TMTC3: variants seen among roughly 807,000 people sequenced by gnomAD.
TMTC3 encodes the protein transmembrane O-mannosyltransferase targeting cadherins 3.
Under a neutral mutation model 92.2 loss-of-function variants are expected in TMTC3, and 52 were observed. The observed-to-expected ratio is 0.56, with a 90% CI of 0.45 to 0.71. The LOEUF (loss-of-function observed/expected upper bound fraction) is 0.71, where lower values mean the gene tolerates loss of function less well. Among genes scored for constraint, TMTC3 ranks in the 30% least tolerant of loss-of-function variants. The pLI, the probability that TMTC3 is intolerant of heterozygous loss-of-function variation, is 0.00. For synonymous variants in TMTC3, 339 were observed against 363.3 expected, an observed-to-expected ratio of 0.93 and a Z score of 0.76; for missense variants, 896 against 1,057.1, an observed-to-expected ratio of 0.85 and a Z score of 2.11.
Position 88,198,377 on chromosome 12 carries a change from A to G in TMTC3, c.*2728A>G, listed in dbSNP as rs943887655. ...GATAGTTTTAATTCTCACTGTCTCA[A>G]AAGAGAATCAGCTCTCCAGCAGTTC... On this transcript the variant is annotated 3_prime_UTR_variant, in exon 14 of 14. Transcript: ENST00000266712. 5 of 397,988 alleles carry G rather than the reference A, an allele frequency of 1.3e-5. No individual in the cohort carries two copies. Among genetic ancestry groups the G allele is most frequent in the African/African-American group, 2.1e-5 (1 of 48,592 alleles). 24.7% of individuals were successfully genotyped at this position (397,988 alleles called of 1,614,324 possible). A position where few individuals can be genotyped will look rare whatever the true frequency, so the allele number is the denominator to read the frequency against.
At chr12:88,172,816 T>G in intron 8 of TMTC3, 71 bp downstream of exon 8, 1 of 1,528,180 alleles carries the variant, frequency 6.5e-7, no homozygotes, top group Non-Finnish European at 8.8e-7. Context: ...AATTTAAATA[T>G]TTAGTTCAGT....
chr12:88,143,615 C>T (rs578075308), intron 1 of TMTC3, among the ~76,000 whole-genome samples: 1 of 152,282 alleles, frequency 6.6e-6, no homozygotes, highest in East Asian at 1.9e-4. Flanking sequence ...CTCAATCTTG[C>T]TATTTTTATT....
In TMTC3 at chr12:88,198,893, T is replaced by G. The variant is rs752928990; in HGVS notation, c.*3244T>G. On this transcript the variant is annotated 3_prime_UTR_variant, in exon 14 of 14. Transcript: ENST00000266712. ...TCTTGTACCTTTGTCCAAAAGTTTA[T>G]CTGTTGGAAGCCGCCAGCCATTCAT... The G allele has an allele frequency of 1.3e-5, 2 of 152,364 alleles. No individual in the cohort carries two copies. Among genetic ancestry groups the G allele is most frequent in the Non-Finnish European group, 2.9e-5 (2 of 68,160 alleles). 9.4% of individuals were successfully genotyped at this position (152,364 alleles called of 1,614,324 possible).
intron 10 of TMTC3, among the ~76,000 whole-genome samples, chr12:88,184,729 C>A (rs555683041): frequency 1.3e-5 from 2 of 152,024 alleles, no homozygotes; most frequent in African/African-American, 4.8e-5. Context: ...AGTTTCCATT[C>A]TAAATAAAGG....
rs138608096 is a variant in TMTC3, at chr12:88,198,885, A to G, written c.*3236A>G. The G allele has an allele frequency of 6.8e-3, 1,041 of 152,542 alleles. 11 individuals carry two copies. The highest frequency in any genetic ancestry group is 0.024 in the African/African-American group (999 of 41,568). The allele number at this position is 152,542 out of a possible 1,614,324, so 9.4% of individuals were successfully genotyped here. On this transcript the variant is annotated 3_prime_UTR_variant, in exon 14 of 14. Transcript: ENST00000266712. ...CAAAAATATCTTGTACCTTTGTCCA[A>G]AAGTTTATCTGTTGGAAGCCGCCAG...
At chr12:88,156,245 C>T (rs2041008021) in intron 4 of TMTC3, among the ~76,000 whole-genome samples, 1 of 152,164 alleles carries the variant, frequency 6.6e-6, no homozygotes, top group Non-Finnish European at 1.5e-5. Context: ...GGCTTGTGAG[C>T]TCAAGCACAT....
chr12:88,169,873 A>G (rs1434324230), intron 7 of TMTC3, among the ~76,000 whole-genome samples: 3 of 151,954 alleles, frequency 2.0e-5, no homozygotes, highest in African/African-American at 7.3e-5. Context: ...CAAGAGTTCA[A>G]GAATGCAGTA....
At chr12:88,184,055 ACT>A (rs2041348353) in intron 10 of TMTC3, among the ~76,000 whole-genome samples, 1 of 151,904 alleles carries the variant, frequency 6.6e-6, no homozygotes, top group African/African-American at 2.4e-5. Flanking sequence ...TGTCCCACAG[ACT>A]CTGGCCGAGT....
chr12:88,153,383 C>G lies in TMTC3; in HGVS notation c.282C>G (p.Leu94=), dbSNP rs1219768483. 1 of 1,612,678 alleles carries G rather than the reference C, an allele frequency of 6.2e-7. No homozygotes were observed. The highest frequency in any genetic ancestry group is 1.1e-5 in the South Asian group (1 of 91,030). The part of the protein sequence containing the change: ...LSELKPMSYH[L]LNMIFHAVVS... Reference sequence around the variant, plus strand: ...AACTAAAACCAATGTCATATCATCTCCTGAATATGATTTTTCATGCTGTGG... The same window carrying G: ...AACTAAAACCAATGTCATATCATCTGCTGAATATGATTTTTCATGCTGTGG... The change falls in exon 3 of 14, where the codon CTC becomes CTG. Residue 94 remains leucine, a synonymous_variant. Coordinates refer to ENST00000266712, the MANE Select transcript of TMTC3 (RefSeq NM_181783.4).
At position 88,174,682 on chromosome 12, in the gene TMTC3, T is replaced by C. The variant is rs763392341; in HGVS notation, c.1275T>C (p.Asn425=). The change falls in exon 9 of 14, where the codon AAT becomes AAC. Residue 425 remains asparagine (N), a synonymous_variant. Transcript: ENST00000266712. ...ATTCCTTAAAAACATTCCACAGAAA[T>C]TGGGATTGGGAGTCTGAATATACAT... ...LTHSLKTFHR[N]WDWESEYTLF... is the part of the protein sequence containing the mutation. 8.1e-6 allele frequency: 13 copies of C among 1,612,534 alleles called. No homozygotes were observed. In the East Asian group the frequency reaches 2.7e-4, roughly 33 times the overall value.
intron 10 of TMTC3, among the ~76,000 whole-genome samples, chr12:88,179,331 A>AGTGTGATG (rs2041291709): frequency 6.6e-6 from 1 of 152,166 alleles, no homozygotes; most frequent in African/African-American, 2.4e-5. Flanking sequence ...AGGGACAACT[A>AGTGTGATG]GTGTGATGGT....
At chr12:88,175,753 C>T (rs1043970968) in intron 9 of TMTC3, among the ~76,000 whole-genome samples, 3 of 152,110 alleles carry the variant, frequency 2.0e-5, no homozygotes, top group East Asian at 3.9e-4. Context: ...CGGCAATCTG[C>T]GAACTCTGAA....
At chr12:88,188,367 A>G (rs1453496221) in intron 10 of TMTC3, among the ~76,000 whole-genome samples, 1 of 152,128 alleles carries the variant, frequency 6.6e-6, no homozygotes, top group Non-Finnish European at 1.5e-5. Context: ...AAGCTATGAG[A>G]TTAAGTAAAT....
intron 12 of TMTC3, among the ~76,000 whole-genome samples, chr12:88,192,223 A>G (rs2041452773): frequency 6.6e-6 from 1 of 151,898 alleles, no homozygotes; most frequent in Admixed American, 6.6e-5. Flanking sequence ...TTGTCACCTG[A>G]CAAATTCATT....
chr12:88,155,056 C>G (rs1051101324), intron 4 of TMTC3, among the ~76,000 whole-genome samples: 1 of 152,144 alleles, frequency 6.6e-6, no homozygotes, highest in African/African-American at 2.4e-5. Flanking sequence ...AACTGAGGTT[C>G]AAGAAACACA....
rs1427547935 is a variant in TMTC3 at position 88,195,143 on chromosome 12, A to T, written c.2239A>T (p.Met747Leu). 1 of 1,613,892 alleles carries T rather than the reference A, an allele frequency of 6.2e-7. No individual in the cohort carries two copies. Among genetic ancestry groups the T allele is most frequent in the Admixed American group, 1.7e-5 (1 of 59,954 alleles). ...CCTCATTTTAAAAGGAGACATTCTG[A>T]TGAATCAAAAGAAAGATATACTAGG... ...KGLILKGDIL[M>L]NQKKDILGAK... The change falls in exon 14 of 14, where the codon ATG becomes TTG. Residue 747 changes from methionine to leucine, a missense_variant. Physicochemically the swap from Met to Leu is conservative, Grantham distance 15. Coordinates refer to ENST00000266712, the MANE Select transcript of TMTC3 (RefSeq NM_181783.4).
intron 7 of TMTC3, among the ~76,000 whole-genome samples, chr12:88,168,975 G>C (rs1350291636): frequency 6.6e-6 from 1 of 152,196 alleles, no homozygotes; most frequent in Non-Finnish European, 1.5e-5. Flanking sequence ...TATGTTACAA[G>C]AAGAAATGAA....
At position 88,164,743 on chromosome 12, in the gene TMTC3, A is replaced by T. The variant is rs548789272; in HGVS notation, c.798-1587A>T. ...ATTTTTAACAAAAGGCCAACATGTT[A>T]TTCACATTATGTTACATGATCGTGC... On this transcript the variant is annotated intron_variant, in intron 6 of 13. Transcript: ENST00000266712. Among the ~76,000 whole-genome samples the T allele has an allele frequency of 5.3e-5, 8 of 152,320 alleles. No individual in the cohort carries two copies. The South Asian group carries it at 1.7e-3, about 32-fold the overall frequency.
chr12:88,155,214 T>C (rs2040992507), intron 4 of TMTC3, among the ~76,000 whole-genome samples: 3 of 152,238 alleles, frequency 2.0e-5, no homozygotes, highest in African/African-American at 7.2e-5. Flanking sequence ...TTTCAAATTC[T>C]AGCTCCACTG....
Sources: gnomAD v4.1 joint callset for allele counts (sites outside exome capture counted in the v4.1 genomes callset) on GRCh38, gnomAD v4.1.1 for gene constraint, MANE v1.5 for transcripts, NCBI Gene and HGNC (gene_info 2026-07-23, HGNC 2026-07-21) for gene names.